Variants in PPARG observed in about 807,000 individuals in gnomAD.
The protein encoded by PPARG is peroxisome proliferator activated receptor gamma.
Under a neutral mutation model 39.2 loss-of-function variants are expected in PPARG, and 17 were observed. That is an observed-to-expected ratio of 0.43 (90% CI 0.30 to 0.65). PPARG has a LOEUF of 0.65. Among genes scored for constraint, PPARG ranks in the 30% least tolerant of loss-of-function variants. The pLI is 0.13. For synonymous variants in PPARG, 223 were observed against 215.7 expected (o/e 1.03, Z -0.30); for missense variants, 406 against 585.9 (o/e 0.69, Z 3.17).
chr3:12,331,291 T>C (rs894885692), intron 2 of PPARG, among the ~76,000 whole-genome samples: 2 of 152,140 alleles, frequency 1.3e-5, no homozygotes, highest in Non-Finnish European at 2.9e-5. Flanking sequence ...TGTGAGAGTT[T>C]GAGGAGGTGG....
At chr3:12,291,584 C>A (rs1387810588) in intron 1 of PPARG, among the ~76,000 whole-genome samples, 1 of 152,054 alleles carries the variant, frequency 6.6e-6, no homozygotes, top group Non-Finnish European at 1.5e-5. Flanking sequence ...TTATTTAATG[C>A]ACTTAAAGTA....
At chr3:12,347,952 TA>T (rs771253493) in intron 2 of PPARG, among the ~76,000 whole-genome samples, 22 of 152,316 alleles carry the variant, frequency 1.4e-4, no homozygotes, top group Admixed American at 5.2e-4. Flanking sequence ...AGCAGATTTT[TA>T]AATGAGGTTA....
chr3:12,357,520 C>G (rs1007517837), intron 2 of PPARG, among the ~76,000 whole-genome samples: 2 of 152,150 alleles, frequency 1.3e-5, no homozygotes, highest in African/African-American at 4.8e-5. Context: ...ATTACATATC[C>G]TCCCCATTGC....
chr3:12,359,965 C>T (rs2048788468), intron 2 of PPARG, among the ~76,000 whole-genome samples: 1 of 151,880 alleles, frequency 6.6e-6, no homozygotes, highest in South Asian at 2.1e-4. Context: ...AGCCACTATG[C>T]CCAGCCTGCT....
chr3:12,368,922 G>T (rs1275402830), intron 2 of PPARG, among the ~76,000 whole-genome samples: 1 of 152,108 alleles, frequency 6.6e-6, no homozygotes, highest in Admixed American at 6.6e-5. Context: ...TTTTCCAGAT[G>T]ATTGCATGAT....
intron 2 of PPARG, among the ~76,000 whole-genome samples, chr3:12,334,575 G>A (rs1056748783): frequency 6.6e-6 from 1 of 152,060 alleles, no homozygotes; most frequent in Middle Eastern, 3.2e-3. Context: ...CTCCCTGGTT[G>A]AATGATTTGG....
chr3:12,364,216 C>T (rs1225170587), intron 2 of PPARG, among the ~76,000 whole-genome samples: 3 of 152,128 alleles, frequency 2.0e-5, no homozygotes, highest in South Asian at 2.1e-4. Flanking sequence ...CTGTTCATTC[C>T]GTTCTCCCCC....
At chr3:12,391,843 A>T (rs1344512780) in intron 4 of PPARG, among the ~76,000 whole-genome samples, 3 of 152,248 alleles carry the variant, frequency 2.0e-5, no homozygotes, top group Non-Finnish European at 4.4e-5. Flanking sequence ...TGAACACAAT[A>T]GAAATGAATA....
chr3:12,369,469 G>A (rs1320429926), intron 2 of PPARG, among the ~76,000 whole-genome samples: 3 of 152,082 alleles, frequency 2.0e-5, no homozygotes. Context: ...GACAGCCTGG[G>A]CCACAGAGAG....
chr3:12,315,605 TAGAAC>T lies in PPARG; in HGVS notation c.-9+3156_-9+3160del, dbSNP rs533442860. ...AGGAAGATTCTGCATTTGCAAATCT[TAGAAC>T]AGAGTAATGCAGGGGCATTCTTTTC... On this transcript the variant is annotated intron_variant, in intron 2 of 7. Transcript: ENST00000651735. Among the ~76,000 whole-genome samples, 27 of 152,372 alleles carry T rather than the reference TAGAAC, an allele frequency of 1.8e-4. No individual in the cohort carries two copies. The East Asian group carries it at 4.2e-3, about 24-fold the overall frequency.
At chr3:12,369,230 G>A (rs1018573970) in intron 2 of PPARG, among the ~76,000 whole-genome samples, 3 of 152,028 alleles carry the variant, frequency 2.0e-5, no homozygotes, top group East Asian at 3.9e-4. Context: ...AGTGACTCAC[G>A]CCTGTAATCC....
intron 2 of PPARG, among the ~76,000 whole-genome samples, chr3:12,341,767 C>T (rs1488740984): frequency 6.6e-6 from 1 of 152,126 alleles, no homozygotes; most frequent in Non-Finnish European, 1.5e-5. Flanking sequence ...TATGATCGCG[C>T]TGCTGCACTC....
rs1559540439 is a variant in PPARG at position 12,433,860 on chromosome 3, T to C, written c.1181-38T>C. On this transcript the variant is annotated intron_variant, in intron 7 of 7. Coordinates refer to ENST00000651735, the MANE Select transcript of PPARG (RefSeq NM_138711.6). ...GGCGGGGCCCAGAGGATTTTTTGACTGAACCCCCTGTTGTGTTTTCCATAT... is the reference window on the plus strand; with the variant it reads ...GGCGGGGCCCAGAGGATTTTTTGACCGAACCCCCTGTTGTGTTTTCCATAT... 2.5e-6 allele frequency: 4 copies of C among 1,613,040 alleles called. No homozygotes were observed. The East Asian group carries it at 6.7e-5, about 27-fold the overall frequency.
chr3:12,329,148 CAAT>C (rs1362937293), intron 2 of PPARG, among the ~76,000 whole-genome samples: 1 of 122,670 alleles, frequency 8.2e-6, no homozygotes, highest in Non-Finnish European at 1.7e-5. Flanking sequence ...AAAACAAGGA[CAAT>C]AAATACTCAA....
At chr3:12,399,590 A>T (rs886403634) in intron 5 of PPARG, 2 of 112,728 alleles carry the variant, frequency 1.8e-5, no homozygotes, top group East Asian at 2.0e-4. Flanking sequence ...CTGTCTCTTT[A>T]AAAAAAAAAG....
intron 2 of PPARG, among the ~76,000 whole-genome samples, chr3:12,352,487 A>G (rs2048519527): frequency 6.6e-6 from 1 of 152,156 alleles, no homozygotes; most frequent in African/African-American, 2.4e-5. Context: ...GTTTCTTAGC[A>G]CAGCCTTTTC....
chr3:12,327,415 G>C (rs559695819), intron 2 of PPARG, among the ~76,000 whole-genome samples: 34 of 152,332 alleles, frequency 2.2e-4, no homozygotes, highest in African/African-American at 8.2e-4. Flanking sequence ...GTCCAGTAAA[G>C]AGAAGCCTAA....
Position 12,329,733 on chromosome 3 carries a change from A to G in PPARG, c.-9+17280A>G, listed in dbSNP as rs139537151. Among the ~76,000 whole-genome samples, 222 of 152,212 alleles carry G rather than the reference A, an allele frequency of 1.5e-3. 1 individual carries two copies. In the Middle Eastern group the frequency reaches 0.017, roughly 12 times the overall value. ...ACAATGTTGTACAACTGTCATCCCTATCTATTTCCAAAGCTTTTTCATCAC... is the reference window on the plus strand; with the variant it reads ...ACAATGTTGTACAACTGTCATCCCTGTCTATTTCCAAAGCTTTTTCATCAC... On this transcript the variant is annotated intron_variant, in intron 2 of 7. Transcript: ENST00000651735.
chr3:12,314,278 AAATT>A (rs17425935), intron 2 of PPARG, among the ~76,000 whole-genome samples: 243 of 151,594 alleles, frequency 1.6e-3, no homozygotes, highest in African/African-American at 3.1e-3. Flanking sequence ...CCCTCTCAAA[AAATT>A]AATTAATTAA....
Sources: gnomAD v4.1 joint callset for allele counts (sites outside exome capture counted in the v4.1 genomes callset) on GRCh38, gnomAD v4.1.1 for gene constraint, MANE v1.5 for transcripts, NCBI Gene and HGNC (gene_info 2026-07-23, HGNC 2026-07-21) for gene names.